PHYH: variants seen among roughly 807,000 people sequenced by gnomAD.
PHYH encodes the protein phytanoyl-CoA dioxygenase, peroxisomal.
In PHYH, 32 loss-of-function variants were observed where a neutral mutation model predicts 38.5. The ratio of observed to expected loss-of-function variants is 0.83; its 90% CI spans 0.63 to 1.12. The LOEUF is 1.12. PHYH is among the 50% of genes most tolerant of loss of function. The pLI is 0.00. For missense variants in PHYH, 426 were observed against 434.8 expected, an observed-to-expected ratio of 0.98 and a Z score of 0.18; for synonymous variants, 166 against 157.9, an observed-to-expected ratio of 1.05 and a Z score of -0.38.
chr10:13,285,737 T>G (rs991940739), intron 6 of PHYH, among the ~76,000 whole-genome samples: 4 of 151,766 alleles, frequency 2.6e-5, no homozygotes, highest in Non-Finnish European at 5.9e-5. Context: ...CCTGAGTAGC[T>G]GGGACTACAG....
In PHYH at chr10:13,288,558, C is replaced by T. The variant is rs549960262; in HGVS notation, c.497-17G>A. ...TCTTCTTGCCTGAAAAGAAAACCTG[C>T]TACTAAAGGATACTCGAGGCCGAGT... On this transcript the variant is annotated splice_polypyrimidine_tract_variant and intron_variant, in intron 5 of 8. Coordinates refer to ENST00000263038, the MANE Select transcript of PHYH (RefSeq NM_006214.4). 87 of 1,613,496 alleles carry T rather than the reference C, an allele frequency of 5.4e-5. No individual in the cohort carries two copies. The South Asian group carries it at 8.6e-4, about 16-fold the overall frequency.
In PHYH at chr10:13,278,345, T is replaced by A. The variant is rs145020360; in HGVS notation, c.973A>T (p.Met325Leu). ...ENSVNLKDIW[M>L]FRARLVKGER... ...CCTTTCACAAGTCGAGCTCGAAACATCCAAATATCCTGGAAATAATATCAA... is the reference window on the plus strand; with the variant it reads ...CCTTTCACAAGTCGAGCTCGAAACAACCAAATATCCTGGAAATAATATCAA... The change falls in exon 9 of 9, where the codon ATG (methionine) becomes TTG (leucine). Residue 325 changes from methionine (M) to leucine (L), a missense_variant. Physicochemically the swap from Met to Leu is conservative, Grantham distance 15. Transcript: ENST00000263038. 2.9e-5 allele frequency: 46 copies of A among 1,610,650 alleles called. No homozygotes were observed. Among genetic ancestry groups the A allele is most frequent in the Admixed American group, 3.3e-5 (2 of 59,996 alleles).
chr10:13,291,769 GC>G, intron 5 of PHYH, 61 bp downstream of exon 5: 1 of 1,103,772 alleles, frequency 9.1e-7, no homozygotes, highest in African/African-American at 1.5e-5. Context: ...ATGAGTTACT[GC>G]ACCCAGCCAA....
At chr10:13,299,798 T>C in intron 1 of PHYH, 170 bp downstream of exon 1, 2 of 1,311,030 alleles carry the variant, frequency 1.5e-6, no homozygotes, top group African/African-American at 3.1e-5. Flanking sequence ...TCTTCCCCGC[T>C]CCCCGGCTCC....
chr10:13,294,277 G>C, intron 4 of PHYH, 151 bp downstream of exon 4: 1 of 708,488 alleles, frequency 1.4e-6, no homozygotes, highest in Non-Finnish European at 2.5e-6. Context: ...TAAGAGCAGT[G>C]GTTCCTGGGA....
intron 8 of PHYH, among the ~76,000 whole-genome samples, chr10:13,280,081 G>A (rs1286186146): frequency 6.6e-6 from 1 of 151,660 alleles, no homozygotes; most frequent in African/African-American, 2.4e-5. Flanking sequence ...CCATTCTCCT[G>A]CCTCAGCCTC....
At chr10:13,299,441 T>A (rs917129096) in intron 1 of PHYH, 3 of 1,000,586 alleles carry the variant, frequency 3.0e-6, no homozygotes, top group Non-Finnish European at 3.6e-6. Context: ...CCCCAAATAG[T>A]GTCTTTATAT....
chr10:13,296,489 G>C (rs1293164853), intron 2 of PHYH, among the ~76,000 whole-genome samples: 6 of 151,046 alleles, frequency 4.0e-5, no homozygotes, highest in Non-Finnish European at 5.9e-5. Flanking sequence ...TAGAACCTGT[G>C]GGGGTGGAGA....
chr10:13,288,293 G>T, intron 6 of PHYH, 67 bp downstream of exon 6: 1 of 1,344,432 alleles, frequency 7.4e-7, no homozygotes, highest in Non-Finnish European at 1.1e-6. Context: ...ACTCTTTAGA[G>T]GTACTGATGT....
chr10:13,294,630 C>T (rs1401571339), intron 3 of PHYH, 34 bp from the exon 4 acceptor site: 2 of 1,604,052 alleles, frequency 1.2e-6, no homozygotes, highest in South Asian at 1.1e-5. Context: ...ATGTCGTTAC[C>T]GCTGGCTCCA....
chr10:13,282,765 C>T (rs1474439724), intron 7 of PHYH, among the ~76,000 whole-genome samples: 8 of 152,072 alleles, frequency 5.3e-5, no homozygotes, highest in Admixed American at 5.2e-4. Context: ...GCAGCCAATA[C>T]ATTGGGTATT....
At chr10:13,295,458 T>C in intron 3 of PHYH, 38 bp downstream of exon 3, 1 of 988,518 alleles carries the variant, frequency 1.0e-6, no homozygotes, top group Admixed American at 1.7e-5. Flanking sequence ...ATGCACACAA[T>C]ACATACTATT....
intron 8 of PHYH, 124 bp from the exon 9 acceptor site, chr10:13,278,478 A>T (rs1449427706): frequency 1.4e-6 from 1 of 740,214 alleles, no homozygotes; most frequent in Non-Finnish European, 2.5e-6. Context: ...AGGGAAAATA[A>T]TCCCTGTAAG....
chr10:13,299,516 C>T (rs1188541518), intron 1 of PHYH: 3 of 1,005,320 alleles, frequency 3.0e-6, no homozygotes, highest in Non-Finnish European at 3.6e-6. Flanking sequence ...CTGGCCAGCT[C>T]CTGCCCGGGA....
At chr10:13,295,316 A>G in intron 3 of PHYH, 180 bp downstream of exon 3, 1 of 589,104 alleles carries the variant, frequency 1.7e-6, no homozygotes, top group South Asian at 2.0e-5. Flanking sequence ...CAACAGAGTG[A>G]GAACCTTTCT....
chr10:13,283,627 T>C (rs541791808), intron 7 of PHYH, 63 bp downstream of exon 7: 3 of 1,473,334 alleles, frequency 2.0e-6, no homozygotes, highest in Non-Finnish European at 2.9e-6. Flanking sequence ...ATTCAATGAA[T>C]TGAATACAAT....
At chr10:13,294,389 T>C in intron 4 of PHYH, 39 bp downstream of exon 4, 2 of 1,601,926 alleles carry the variant, frequency 1.2e-6, no homozygotes, top group Non-Finnish European at 8.5e-7. Context: ...ACATACACAC[T>C]GGCAATTAAG....
chr10:13,278,344 A>T lies in PHYH; in HGVS notation c.974T>A (p.Met325Lys). Reference sequence around the variant, plus strand: ...TCCTTTCACAAGTCGAGCTCGAAACATCCAAATATCCTGGAAATAATATCA... The same window carrying T: ...TCCTTTCACAAGTCGAGCTCGAAACTTCCAAATATCCTGGAAATAATATCA... ...ENSVNLKDIW[M>K]FRARLVKGER... The change falls in exon 9 of 9, where the codon ATG becomes AAG. Residue 325 changes from methionine (M) to lysine (K), a missense_variant. By Grantham distance (95) the Met-to-Lys change is moderately conservative. Coordinates refer to ENST00000263038, the MANE Select transcript of PHYH (RefSeq NM_006214.4). 6.2e-7 allele frequency: 1 copy of T among 1,610,856 alleles called. No homozygotes were observed. The highest frequency in any genetic ancestry group is 8.5e-7 in the Non-Finnish European group (1 of 1,177,072).
At chr10:13,288,630 T>A in intron 5 of PHYH, 89 bp from the exon 6 acceptor site, 1 of 1,322,926 alleles carries the variant, frequency 7.6e-7, no homozygotes, top group Non-Finnish European at 1.1e-6. Context: ...TATAAAAATA[T>A]ATCCCAAAGT....
Sources: allele counts gnomAD v4.1 joint callset (sites outside exome capture counted in the v4.1 genomes callset), GRCh38; gene constraint gnomAD v4.1.1; transcripts MANE v1.5; gene names NCBI Gene and HGNC (gene_info 2026-07-23, HGNC 2026-07-21).